ATP6V1C1: variants seen among roughly 807,000 people sequenced by gnomAD.
ATP6V1C1 encodes the protein V-type proton ATPase subunit C 1.
Under a neutral mutation model 53.9 loss-of-function variants are expected in ATP6V1C1, and 45 were observed. That is an observed-to-expected ratio of 0.83 (90% confidence interval 0.66 to 1.07). The LOEUF is 1.07. ATP6V1C1 is among the 50% of genes least tolerant of loss of function. The probability of loss-of-function intolerance (pLI) is 0.00; values close to 1 mark genes in which losing one functional copy is unlikely to be tolerated. For synonymous variants in ATP6V1C1, 153 were observed against 155.2 expected, an observed-to-expected ratio of 0.99 and a Z score of 0.11; for missense variants, 315 against 440.3, an observed-to-expected ratio of 0.72 and a Z score of 2.55.
chr8:103,034,146 A>G (rs1431522997), intron 1 of ATP6V1C1, among the ~76,000 whole-genome samples: 2 of 152,182 alleles, frequency 1.3e-5, no homozygotes, highest in Admixed American at 6.5e-5. Flanking sequence ...TGTAGAGATC[A>G]TCATCAAGAA....
intron 1 of ATP6V1C1, among the ~76,000 whole-genome samples, chr8:103,024,856 T>TTA (rs1816667091): frequency 1.3e-5 from 2 of 152,196 alleles, no homozygotes; most frequent in Non-Finnish European, 2.9e-5. Context: ...ACTTCTAAGA[T>TTA]TATACCATGT....
chr8:103,035,499 A>C (rs772145438), intron 1 of ATP6V1C1, among the ~76,000 whole-genome samples: 5 of 152,216 alleles, frequency 3.3e-5, no homozygotes, highest in Admixed American at 6.5e-5. Flanking sequence ...ATGAGGGAGA[A>C]TACGATGAGT....
intron 3 of ATP6V1C1, among the ~76,000 whole-genome samples, chr8:103,047,430 G>GCGCACACACACACA (rs1491170438): frequency 7.2e-4 from 76 of 104,940 alleles, no homozygotes; most frequent in African/African-American, 2.6e-3. Flanking sequence ...AAATGCGCGC[G>GCGCACACACACACA]CACACACACA....
At chr8:103,044,399 G>A (rs1346347955) in intron 3 of ATP6V1C1, among the ~76,000 whole-genome samples, 2 of 152,176 alleles carry the variant, frequency 1.3e-5, no homozygotes, top group Non-Finnish European at 2.9e-5. Flanking sequence ...TTTGAGTTAA[G>A]TTTTATGTAT....
In ATP6V1C1 at chr8:103,063,059, GTTTT is replaced by G; in HGVS notation, c.734+16_734+19del. The G allele has an allele frequency of 6.2e-7, 1 of 1,612,826 alleles. No individual in the cohort carries two copies. The highest frequency in any genetic ancestry group is 8.5e-7 in the Non-Finnish European group (1 of 1,179,340). ...GCCAGAGAAAACAAGTAAGATTATTGTTTTTTTGTTTATTTACTTTGTTAGATCA... is the reference window on the plus strand; with the variant it reads ...GCCAGAGAAAACAAGTAAGATTATTGTTTGTTTATTTACTTTGTTAGATCA... On this transcript the variant is annotated intron_variant, in intron 9 of 12. Transcript: ENST00000518738.
chr8:103,035,715 C>T (rs1393952562), intron 1 of ATP6V1C1, among the ~76,000 whole-genome samples: 1 of 152,046 alleles, frequency 6.6e-6, no homozygotes, highest in Non-Finnish European at 1.5e-5. Context: ...GTGTCGTGTT[C>T]CCACTTTACA....
At chr8:103,021,868 T>C (rs1467071341) in intron 1 of ATP6V1C1, among the ~76,000 whole-genome samples, 3 of 152,132 alleles carry the variant, frequency 2.0e-5, no homozygotes, top group Non-Finnish European at 4.4e-5. Context: ...ATAAGGCATA[T>C]TGAATCACTT....
intron 1 of ATP6V1C1, among the ~76,000 whole-genome samples, chr8:103,026,695 C>G (rs1030771698): frequency 2.0e-5 from 3 of 152,116 alleles, no homozygotes; most frequent in African/African-American, 7.2e-5. Context: ...TGCCTATAAT[C>G]CCGGCTACTC....
At position 103,068,906 on chromosome 8, in the gene ATP6V1C1, C is replaced by G; in HGVS notation, c.*159C>G. 1 of 407,480 alleles carries G rather than the reference C, an allele frequency of 2.5e-6. No individual in the cohort carries two copies. 25.2% of individuals were successfully genotyped at this position (407,480 alleles called of 1,614,324 possible). A position where few individuals can be genotyped will look rare whatever the true frequency, so the allele number is the denominator to read the frequency against. ...ACAGTGGTCTGTATCTCAACATTTT[C>G]TTTTTAAAGGAAAAAATATATATAT... On this transcript the variant is annotated 3_prime_UTR_variant, in exon 13 of 13. Coordinates refer to ENST00000518738, the MANE Select transcript of ATP6V1C1 (RefSeq NM_001695.5).
chr8:103,050,696 T>C lies in ATP6V1C1; in HGVS notation c.287-354T>C, dbSNP rs567146160. Among the ~76,000 whole-genome samples, 4 of 149,770 alleles carry C rather than the reference T, an allele frequency of 2.7e-5. No homozygotes were observed. The East Asian group carries it at 7.8e-4, about 29-fold the overall frequency. Reference sequence around the variant, plus strand: ...TGGGTAAGTTATCAAAGAAAGAACATACTTTTATGAAATTCTACTTATTGA... The same window carrying C: ...TGGGTAAGTTATCAAAGAAAGAACACACTTTTATGAAATTCTACTTATTGA... On this transcript the variant is annotated intron_variant, in intron 4 of 12. Coordinates refer to ENST00000518738, the MANE Select transcript of ATP6V1C1 (RefSeq NM_001695.5).
chr8:103,063,360 T>C (rs527688877), intron 10 of ATP6V1C1, 132 bp downstream of exon 10: 5 of 602,490 alleles, frequency 8.3e-6, no homozygotes, highest in Non-Finnish European at 1.4e-5. Flanking sequence ...TTTTTTTAAT[T>C]GAATAATCAG....
chr8:103,053,818 C>A, intron 6 of ATP6V1C1, 66 bp from the exon 7 acceptor site: 1 of 1,137,980 alleles, frequency 8.8e-7, no homozygotes, highest in Non-Finnish European at 1.3e-6. Context: ...GATTAGCCTG[C>A]TGTTTCTTTA....
At chr8:103,063,528 T>TA (rs1817439889) in intron 10 of ATP6V1C1, among the ~76,000 whole-genome samples, 1 of 152,188 alleles carries the variant, frequency 6.6e-6, no homozygotes, top group Non-Finnish European at 1.5e-5. Context: ...CCTAAATCCA[T>TA]ATCAGACATT....
At chr8:103,066,783 A>G (rs1007112421) in intron 12 of ATP6V1C1, among the ~76,000 whole-genome samples, 1 of 152,186 alleles carries the variant, frequency 6.6e-6, no homozygotes, top group African/African-American at 2.4e-5. Context: ...CAGTTATTTT[A>G]ATTTTATTTG....
intron 8 of ATP6V1C1, 42 bp from the exon 9 acceptor site, chr8:103,062,913 A>C: frequency 6.4e-7 from 1 of 1,553,432 alleles, no homozygotes; most frequent in Non-Finnish European, 8.8e-7. Context: ...GAAAGACAGC[A>C]ATACGTATAA....
intron 1 of ATP6V1C1, among the ~76,000 whole-genome samples, chr8:103,037,231 G>C (rs1458849414): frequency 6.6e-6 from 1 of 152,116 alleles, no homozygotes; most frequent in Non-Finnish European, 1.5e-5. Flanking sequence ...TCTTGAGATA[G>C]GTTCTGGAGT....
chr8:103,068,882 C>G lies in ATP6V1C1; in HGVS notation c.*135C>G. ...GCCCTTTCCTAGGTGAATTCTCCCACAGTGGTCTGTATCTCAACATTTTCT... is the reference window on the plus strand; with the variant it reads ...GCCCTTTCCTAGGTGAATTCTCCCAGAGTGGTCTGTATCTCAACATTTTCT... On this transcript the variant is annotated 3_prime_UTR_variant, in exon 13 of 13. Transcript: ENST00000518738. The G allele has an allele frequency of 1.9e-6, 1 of 519,360 alleles. No homozygotes were observed. Among genetic ancestry groups the G allele is most frequent in the Non-Finnish European group, 3.2e-6 (1 of 315,450 alleles). The allele number at this position is 519,360 out of a possible 1,614,324, so 32.2% of individuals were successfully genotyped here. A position where few individuals can be genotyped will look rare whatever the true frequency, so the allele number is the denominator to read the frequency against.
At chr8:103,040,405 C>T (rs1816975063) in intron 1 of ATP6V1C1, among the ~76,000 whole-genome samples, 1 of 143,980 alleles carries the variant, frequency 6.9e-6, no homozygotes, top group Non-Finnish European at 1.5e-5. Flanking sequence ...CAGAGTGAGA[C>T]ACTGTCTCAA....
At chr8:103,058,554 C>A (rs940249116) in intron 8 of ATP6V1C1, among the ~76,000 whole-genome samples, 1 of 152,122 alleles carries the variant, frequency 6.6e-6, no homozygotes, top group African/African-American at 2.4e-5. Flanking sequence ...TTACTGTGAG[C>A]TAGTCTTTGT....
Sources: allele counts gnomAD v4.1 joint callset (sites outside exome capture counted in the v4.1 genomes callset), GRCh38; gene constraint gnomAD v4.1.1; transcripts MANE v1.5; gene names NCBI Gene and HGNC (gene_info 2026-07-23, HGNC 2026-07-21).